The following AFF2 variants were observed in gnomAD, a reference collection of about 807,000 sequenced individuals.
The protein encoded by AFF2 is ALF transcription elongation factor 2.
In AFF2, 14 loss-of-function variants were observed where a neutral mutation model predicts 76.9. The ratio of observed to expected loss-of-function variants is 0.18; its 90% confidence interval spans 0.12 to 0.28. The LOEUF (loss-of-function observed/expected upper bound fraction) is 0.28, where lower values mean the gene tolerates loss of function less well. AFF2 is among the 10% of genes least tolerant of loss of function. AFF2 has a pLI of 1.00. For missense variants in AFF2, 868 were observed against 1,001.1 expected (o/e 0.87, Z 1.79); for synonymous variants, 398 against 366.7 (o/e 1.09, Z -0.98).
intron 4 of AFF2, among the ~76,000 whole-genome samples, chrX:148,829,211 G>A (rs1557273138): frequency 8.9e-6 from 1 of 112,401 alleles, no homozygotes; most frequent in East Asian, 2.8e-4. Flanking sequence ...TTGACCCATT[G>A]TTATGCCATG....
At chrX:148,832,895 C>T (rs1045216110) in intron 4 of AFF2, among the ~76,000 whole-genome samples, 1 of 111,893 alleles carries the variant, frequency 8.9e-6, no homozygotes, top group Non-Finnish European at 1.9e-5. Flanking sequence ...TTGGGGCTCT[C>T]TCTGACTATA....
At chrX:148,643,638 A>G (rs2054112488) in intron 1 of AFF2, among the ~76,000 whole-genome samples, 1 of 112,269 alleles carries the variant, frequency 8.9e-6, no homozygotes, top group African/African-American at 3.2e-5. Context: ...TTAGATATCT[A>G]TTGTGCAATA....
chrX:148,973,367 T>C, intron 15 of AFF2, 104 bp from the exon 16 acceptor site: 1 of 1,006,959 alleles, frequency 9.9e-7, no homozygotes, highest in South Asian at 2.2e-5. Context: ...TGCCAAATGT[T>C]CCCTGTGGGA....
intron 8 of AFF2, among the ~76,000 whole-genome samples, chrX:148,888,329 G>A (rs185844544): frequency 8.9e-6 from 1 of 111,952 alleles, no homozygotes; most frequent in Admixed American, 9.5e-5. Context: ...TTGGTTGTTC[G>A]ATGTCATGTA....
At chrX:148,677,304 G>C (rs2054496561) in intron 3 of AFF2, among the ~76,000 whole-genome samples, 1 of 111,424 alleles carries the variant, frequency 9.0e-6, no homozygotes, top group Non-Finnish European at 1.9e-5. Flanking sequence ...TTGTCATGCT[G>C]TCATGATATA....
intron 4 of AFF2, among the ~76,000 whole-genome samples, chrX:148,817,089 A>G (rs1433721105): frequency 9.0e-6 from 1 of 111,360 alleles, no homozygotes. Flanking sequence ...AATCAGTGAT[A>G]CAGGAACTTA....
chrX:148,920,177 A>T (rs1557283035), intron 9 of AFF2, among the ~76,000 whole-genome samples: 1 of 111,892 alleles, frequency 8.9e-6, no homozygotes, highest in African/African-American at 3.2e-5. Context: ...TAGATTATAG[A>T]TTATTGAGAG....
At chrX:148,526,430 C>T (rs2052661516) in intron 1 of AFF2, among the ~76,000 whole-genome samples, 1 of 78,788 alleles carries the variant, frequency 1.3e-5, no homozygotes, top group Non-Finnish European at 2.3e-5. Flanking sequence ...GGAGCTGTTT[C>T]TAGCTGGCTC....
At chrX:148,990,543 T>C (rs782213694) in intron 20 of AFF2, among the ~76,000 whole-genome samples, 2 of 112,553 alleles carry the variant, frequency 1.8e-5, no homozygotes, top group African/African-American at 3.2e-5. Context: ...CGCTAGTTAG[T>C]AGTGTAGCCT....
Position 148,622,232 on chromosome X carries a change from A to G in AFF2, c.48-29767A>G, listed in dbSNP as rs183814775. On this transcript the variant is annotated intron_variant, in intron 1 of 20. Coordinates refer to ENST00000370460, the MANE Select transcript of AFF2 (RefSeq NM_002025.4). ...AGTAGTCAGGGTCCTTCAGAAAAAG[A>G]GAACCAGTAGGAGACAGTGTAGTGT... is the stretch of plus-strand genomic sequence containing the variant. Among the ~76,000 whole-genome samples, 30 of 112,101 alleles carry G rather than the reference A, an allele frequency of 2.7e-4. No homozygotes were observed. The East Asian group carries it at 6.0e-3, about 22-fold the overall frequency.
At chrX:148,889,160 G>A (rs1214513020) in intron 8 of AFF2, among the ~76,000 whole-genome samples, 1 of 111,464 alleles carries the variant, frequency 9.0e-6, no homozygotes, top group Non-Finnish European at 1.9e-5. Context: ...ATCCCCAAGA[G>A]AATACATTTC....
At chrX:148,825,911 C>G (rs1163533250) in intron 4 of AFF2, among the ~76,000 whole-genome samples, 1 of 109,759 alleles carries the variant, frequency 9.1e-6, no homozygotes, top group Non-Finnish European at 1.9e-5. Context: ...AAATTGATTA[C>G]AAGTAACAGT....
chrX:148,545,545 A>C (rs1218924904), intron 1 of AFF2, among the ~76,000 whole-genome samples: 1 of 111,362 alleles, frequency 9.0e-6, no homozygotes, highest in African/African-American at 3.3e-5. Flanking sequence ...ATAATAAGAC[A>C]GCATAGGTAG....
intron 4 of AFF2, among the ~76,000 whole-genome samples, chrX:148,821,153 T>C (rs1557272503): frequency 8.9e-6 from 1 of 111,762 alleles, no homozygotes; most frequent in African/African-American, 3.2e-5. Context: ...CCTTGCTGAA[T>C]GTTTTTGGGT....
rs782466910 is a variant in AFF2, at chrX:148,679,708, G to A, written c.1041+16940G>A. ...CAGACTTGGTTTTTCAGTTGGTTGG[G>A]TGACATTCTGGACTGTTGAGGCATT... On this transcript the variant is annotated intron_variant, in intron 3 of 20. Coordinates refer to ENST00000370460, the MANE Select transcript of AFF2 (RefSeq NM_002025.4). Among the ~76,000 whole-genome samples, 17 of 111,576 alleles carry A rather than the reference G, an allele frequency of 1.5e-4. No individual in the cohort carries two copies. In the East Asian group the frequency reaches 4.5e-3, roughly 30 times the overall value.
chrX:148,766,727 G>A (rs781993307), intron 3 of AFF2, among the ~76,000 whole-genome samples: 2 of 111,168 alleles, frequency 1.8e-5, no homozygotes, highest in African/African-American at 3.3e-5. Context: ...CCATTTGAAC[G>A]TCTTTATAAG....
At chrX:148,504,366 G>T (rs2052385220) in intron 1 of AFF2, among the ~76,000 whole-genome samples, 1 of 111,044 alleles carries the variant, frequency 9.0e-6, no homozygotes, top group African/African-American at 3.3e-5. Context: ...GAAAAGAAAA[G>T]AAAACCACCG....
At chrX:148,660,232 A>G (rs946199006) in intron 2 of AFF2, among the ~76,000 whole-genome samples, 6 of 111,633 alleles carry the variant, frequency 5.4e-5, no homozygotes, top group African/African-American at 1.6e-4. Context: ...TTTACGGTAT[A>G]TGGAGATGGT....
At chrX:148,759,538 C>A (rs1357964970) in intron 3 of AFF2, among the ~76,000 whole-genome samples, 7 of 112,097 alleles carry the variant, frequency 6.2e-5, no homozygotes, top group Admixed American at 4.7e-4. Flanking sequence ...CCAGTGAATT[C>A]AGAGAAGCAA....
Sources: gnomAD v4.1 joint callset for allele counts (sites outside exome capture counted in the v4.1 genomes callset) on GRCh38, gnomAD v4.1.1 for gene constraint, MANE v1.5 for transcripts, NCBI Gene and HGNC (gene_info 2026-07-23, HGNC 2026-07-21) for gene names.